Variants in TAFA1 observed in about 807,000 individuals in gnomAD.
The protein encoded by TAFA1 is chemokine-like protein TAFA-1.
A neutral mutation model predicts 18.5 loss-of-function variants in TAFA1; 4 were observed. The ratio of observed to expected loss-of-function variants is 0.22; its 90% CI spans 0.11 to 0.49. The LOEUF (loss-of-function observed/expected upper bound fraction) is 0.49, where lower values mean the gene tolerates loss of function less well. TAFA1 is among the 20% of genes least tolerant of loss of function. The pLI is 0.98. For synonymous variants in TAFA1, 56 were observed against 55.2 expected (o/e 1.01, Z -0.06); for missense variants, 147 against 169.0 (o/e 0.87, Z 0.72).
intron 3 of TAFA1, among the ~76,000 whole-genome samples, chr3:68,418,564 G>A (rs971054146): frequency 2.0e-5 from 3 of 151,958 alleles, no homozygotes; most frequent in African/African-American, 4.8e-5. Context: ...TGATTCTTCA[G>A]TTACTTCAGG....
intron 2 of TAFA1, among the ~76,000 whole-genome samples, chr3:68,172,439 A>G (rs924326185): frequency 6.6e-6 from 1 of 152,164 alleles, no homozygotes; most frequent in Admixed American, 6.5e-5. Context: ...GCATGCATAC[A>G]TTGCTGGTGG....
chr3:68,086,921 A>G (rs2064977301), intron 2 of TAFA1, among the ~76,000 whole-genome samples: 2 of 152,148 alleles, frequency 1.3e-5, no homozygotes, highest in African/African-American at 4.8e-5. Context: ...TTAGAGCATT[A>G]TTTTCCTTGC....
chr3:68,363,269 A>G (rs1420975796), intron 2 of TAFA1, among the ~76,000 whole-genome samples: 5 of 152,100 alleles, frequency 3.3e-5, no homozygotes, highest in Non-Finnish European at 5.9e-5. Flanking sequence ...AATGAATGAG[A>G]GCGGCACACA....
rs571611689 is a variant in TAFA1, at chr3:68,442,139, A to AT, written c.259+24726dup. 6.1e-3 allele frequency among the ~76,000 whole-genome samples: 933 copies of AT among 152,114 alleles called. 10 individuals carry two copies. Among genetic ancestry groups the AT allele is most frequent in the African/African-American group, 0.022 (898 of 41,482 alleles). The stretch of plus-strand genomic sequence containing the variant: ...CACCACCACCCCACTCCTTATATCA[A>AT]TTTTTTTAATTAGTCCATTTTCTGT... On this transcript the variant is annotated intron_variant, in intron 3 of 4. Transcript: ENST00000478136.
intron 2 of TAFA1, among the ~76,000 whole-genome samples, chr3:68,041,759 C>T (rs1705169995): frequency 6.6e-6 from 1 of 152,148 alleles, no homozygotes; most frequent in Non-Finnish European, 1.5e-5. Context: ...ATTTCTTCAC[C>T]TTTGATTCGA....
intron 2 of TAFA1, among the ~76,000 whole-genome samples, chr3:68,124,155 CT>C (rs2065436835): frequency 6.6e-6 from 1 of 152,128 alleles, no homozygotes; most frequent in Admixed American, 6.5e-5. Flanking sequence ...TTGCCTTCAG[CT>C]TAATTAATGA....
intron 2 of TAFA1, among the ~76,000 whole-genome samples, chr3:68,410,705 CAAAAAAAAAAAAAAA>C (rs34714719): frequency 5.5e-5 from 2 of 36,650 alleles, no homozygotes; most frequent in African/African-American, 9.4e-5. Context: ...TTTCCATAAG[CAAAAAAAAAAAAAAA>C]AAAAAAAAAA....
Position 68,496,774 on chromosome 3 carries a change from C to G in TAFA1, c.260-41982C>G, listed in dbSNP as rs116601647. ...ATGTAAATTTACACAGTTCCTTAAC[C>G]CTTCTGTGTCATTTTCTTCTCTATG... On this transcript the variant is annotated intron_variant, in intron 3 of 4. Transcript: ENST00000478136. Among the ~76,000 whole-genome samples, 975 of 152,216 alleles carry G rather than the reference C, an allele frequency of 6.4e-3. 10 individuals carry two copies. The highest frequency in any genetic ancestry group is 0.023 in the African/African-American group (943 of 41,536).
chr3:68,415,753 C>T (rs151109772), intron 2 of TAFA1, among the ~76,000 whole-genome samples: 1 of 152,018 alleles, frequency 6.6e-6, no homozygotes, highest in Non-Finnish European at 1.5e-5. Flanking sequence ...CTCACACAAC[C>T]CTGTGATACA....
chr3:68,172,365 A>T (rs1395313755), intron 2 of TAFA1, among the ~76,000 whole-genome samples: 2 of 152,162 alleles, frequency 1.3e-5, no homozygotes, highest in East Asian at 3.9e-4. Flanking sequence ...CATACCTCCT[A>T]AAAGGCTAAA....
intron 2 of TAFA1, among the ~76,000 whole-genome samples, chr3:68,318,045 G>A (rs948402523): frequency 3.9e-5 from 6 of 152,070 alleles, no homozygotes; most frequent in African/African-American, 1.4e-4. Context: ...CTGGGGACAG[G>A]GCAGCTGTCT....
chr3:68,055,760 C>G (rs1208996833), intron 2 of TAFA1, among the ~76,000 whole-genome samples: 1 of 152,098 alleles, frequency 6.6e-6, no homozygotes, highest in Non-Finnish European at 1.5e-5. Context: ...ATGTCCCTTT[C>G]CCTGGACATA....
intron 3 of TAFA1, among the ~76,000 whole-genome samples, chr3:68,462,406 A>G (rs957015458): frequency 6.6e-6 from 1 of 152,076 alleles, no homozygotes; most frequent in Admixed American, 6.6e-5. Context: ...GTTCCTCTGC[A>G]CATGCCCTCT....
intron 2 of TAFA1, among the ~76,000 whole-genome samples, chr3:68,160,841 T>C: frequency 6.6e-6 from 1 of 152,182 alleles, no homozygotes; most frequent in Non-Finnish European, 1.5e-5. Context: ...TTAGGTCAGG[T>C]CTGGCTAACC....
chr3:68,004,920 T>C (rs941618657), intron 1 of TAFA1, among the ~76,000 whole-genome samples: 10 of 152,134 alleles, frequency 6.6e-5, no homozygotes, highest in African/African-American at 9.7e-5. Flanking sequence ...AAAATATATA[T>C]TGCAAGCATA....
At chr3:68,384,363 T>C (rs2106684743) in intron 2 of TAFA1, among the ~76,000 whole-genome samples, 1 of 152,192 alleles carries the variant, frequency 6.6e-6, no homozygotes, top group Middle Eastern at 3.4e-3. Flanking sequence ...GATTCTTGCA[T>C]GTTGTATGTT....
intron 2 of TAFA1, among the ~76,000 whole-genome samples, chr3:68,025,278 T>A (rs4856812): frequency 0.21 from 31,524 of 152,092 alleles, 3,811 homozygotes; most frequent in Non-Finnish European, 0.28. Context: ...TTTCTCTAAC[T>A]TCATGATATA....
chr3:68,440,936 G>A (rs1468596547), intron 3 of TAFA1, among the ~76,000 whole-genome samples: 1 of 152,126 alleles, frequency 6.6e-6, no homozygotes, highest in African/African-American at 2.4e-5. Flanking sequence ...TCATTGTTGT[G>A]TCTCCTGGTG....
chr3:68,086,095 G>C (rs2064967084), intron 2 of TAFA1, among the ~76,000 whole-genome samples: 1 of 152,168 alleles, frequency 6.6e-6, no homozygotes, highest in Non-Finnish European at 1.5e-5. Flanking sequence ...ATACTAAAAT[G>C]GGCAGTTATT....
Sources: gnomAD v4.1 joint callset for allele counts (sites outside exome capture counted in the v4.1 genomes callset) on GRCh38, gnomAD v4.1.1 for gene constraint, MANE v1.5 for transcripts, NCBI Gene and HGNC (gene_info 2026-07-23, HGNC 2026-07-21) for gene names.